The following TACC2 variants were observed in gnomAD, a reference collection of about 807,000 sequenced individuals.
The protein encoded by TACC2 is transforming acidic coiled-coil-containing protein 2.
Under a neutral mutation model 227.3 loss-of-function variants are expected in TACC2, and 137 were observed. That is an observed-to-expected ratio of 0.60 (90% CI 0.52 to 0.69). TACC2 has a LOEUF of 0.69. TACC2 is among the 30% of genes least tolerant of loss of function. The pLI is 0.00. For synonymous variants in TACC2, 1,523 were observed against 1,487.5 expected, an observed-to-expected ratio of 1.02 and a Z score of -0.55; for missense variants, 3,470 against 3,694.4, an observed-to-expected ratio of 0.94 and a Z score of 1.57.
chr10:122,022,289 T>C, intron 2 of TACC2: 1 of 352,054 alleles, frequency 2.8e-6, no homozygotes, highest in Non-Finnish European at 5.2e-6. Context: ...TCACCCAGGC[T>C]TGAATGCAGT....
intron 5 of TACC2, among the ~76,000 whole-genome samples, chr10:122,130,196 A>C (rs1225832395): frequency 1.3e-5 from 2 of 152,130 alleles, no homozygotes; most frequent in Non-Finnish European, 2.9e-5. Context: ...GGTTTTCACC[A>C]TGTTGGCCAG....
chr10:122,021,910 A>G lies in TACC2; in HGVS notation c.-45-27A>G, dbSNP rs979457811. The stretch of plus-strand genomic sequence containing the variant: ...CCTCAGATCTTTTTTCATTTCACAG[A>G]CGTTTATACCCTTTTGTTTCTTCCA... On this transcript the variant is annotated intron_variant, in intron 1 of 22. Transcript: ENST00000369005. 7.2e-6 allele frequency: 10 copies of G among 1,391,278 alleles called. No individual in the cohort carries two copies. In the South Asian group the frequency reaches 1.2e-4, roughly 16 times the overall value. The allele number at this position is 1,391,278 out of a possible 1,614,324, so 86.2% of individuals were successfully genotyped here.
chr10:122,207,464 G>A (rs1424808738), intron 8 of TACC2, among the ~76,000 whole-genome samples: 1 of 152,138 alleles, frequency 6.6e-6, no homozygotes, highest in South Asian at 2.1e-4. Flanking sequence ...AAGGGTACAT[G>A]GCAATGTCTA....
In TACC2 at chr10:122,194,935, G is replaced by C. The variant is rs2094516202; in HGVS notation, c.5835-105G>C. 2 of 1,188,726 alleles carry C rather than the reference G, an allele frequency of 1.7e-6. No individual in the cohort carries two copies. Among genetic ancestry groups the C allele is most frequent in the African/African-American group, 3.1e-5 (2 of 65,192 alleles). 73.6% of individuals were successfully genotyped at this position (1,188,726 alleles called of 1,614,324 possible). A position where few individuals can be genotyped will look rare whatever the true frequency, so the allele number is the denominator to read the frequency against. ...TCATCTGTCCCTGCACAGTTTAACT[G>C]AGCAGCGAGCCAGAACCCACTGGCT... On this transcript the variant is annotated intron_variant, in intron 7 of 22. Coordinates refer to ENST00000369005, the MANE Select transcript of TACC2 (RefSeq NM_206862.4). The surrounding 1 kb of genome is among the most constrained non-coding windows in gnomAD (Gnocchi z 4.4).
chr10:122,083,561 C>T lies in TACC2; in HGVS notation c.1061C>T (p.Ala354Val). 1 of 1,613,126 alleles carries T rather than the reference C, an allele frequency of 6.2e-7. No homozygotes were observed. Among genetic ancestry groups the T allele is most frequent in the Non-Finnish European group, 8.5e-7 (1 of 1,179,994 alleles). The stretch of plus-strand genomic sequence containing the variant: ...CTGCCCTGGGGCTTGCCAAGTCCTG[C>T]CCTGGTGCCAGAGGCTGGGGGCTCT... ...AELPWGLPSP[A>V]LVPEAGGSGK... The change falls in exon 4 of 23, where the codon GCC (alanine) becomes GTC (valine). Residue 354 changes from alanine to valine, a missense_variant. By Grantham distance (64) the Ala-to-Val change is moderately conservative (BLOSUM62 0). Transcript: ENST00000369005.
chr10:122,249,219 G>A, intron 21 of TACC2, 63 bp downstream of exon 21: 2 of 1,278,384 alleles, frequency 1.6e-6, no homozygotes, highest in South Asian at 2.5e-5. Flanking sequence ...ACCCAGGCAG[G>A]CTGGGACCTC....
intron 2 of TACC2, among the ~76,000 whole-genome samples, chr10:122,031,047 A>G (rs1388368085): frequency 6.6e-6 from 1 of 152,084 alleles, no homozygotes; most frequent in East Asian, 1.9e-4. Flanking sequence ...GATAAATCAC[A>G]CTATGTTTAA....
chr10:122,019,711 A>G, intron 1 of TACC2: 1 of 152,268 alleles, frequency 6.6e-6, no homozygotes, highest in Non-Finnish European at 1.5e-5. Flanking sequence ...CTGCCCAGGT[A>G]TGAAGTGCAG....
At chr10:122,138,259 C>G (rs1345092183) in intron 6 of TACC2, among the ~76,000 whole-genome samples, 1 of 152,108 alleles carries the variant, frequency 6.6e-6, no homozygotes, top group East Asian at 1.9e-4. Flanking sequence ...CCTGTAATCC[C>G]AGAGCTTGGA....
intron 7 of TACC2, among the ~76,000 whole-genome samples, chr10:122,182,679 C>T (rs1413842036): frequency 2.0e-5 from 3 of 152,162 alleles, no homozygotes; most frequent in African/African-American, 4.8e-5. Context: ...AGTCAAAACA[C>T]GTGAGCTTTA....
chr10:122,155,536 C>G (rs1186063359), intron 7 of TACC2, among the ~76,000 whole-genome samples: 2 of 152,152 alleles, frequency 1.3e-5, no homozygotes, highest in African/African-American at 4.8e-5. Context: ...TGTTTTTGAT[C>G]CTAGACAGAT....
In TACC2 at chr10:122,138,517, TAAAC is replaced by T. The variant is rs570546384; in HGVS notation, c.5700-5043_5700-5040del. 6.1e-3 allele frequency among the ~76,000 whole-genome samples: 931 copies of T among 152,230 alleles called. 4 individuals carry two copies. Among genetic ancestry groups the T allele is most frequent in the Admixed American group, 0.017 (261 of 15,278 alleles). ...AAGAGTGAAACTCAGTCTCAAAAAA[TAAAC>T]AAACAAACAAAGACTGAATGATAAA... On this transcript the variant is annotated intron_variant, in intron 6 of 22. Coordinates refer to ENST00000369005, the MANE Select transcript of TACC2 (RefSeq NM_206862.4).
intron 14 of TACC2, among the ~76,000 whole-genome samples, chr10:122,228,392 G>C (rs976720870): frequency 6.6e-6 from 1 of 152,234 alleles, no homozygotes; most frequent in Admixed American, 6.5e-5. Context: ...CTGGGACTTA[G>C]TGATGGGAAT....
At chr10:122,148,839 G>T (rs74158805) in intron 7 of TACC2, among the ~76,000 whole-genome samples, 2,365 of 152,346 alleles carry the variant, frequency 0.016, 65 homozygotes, top group African/African-American at 0.049. Flanking sequence ...GGGGAGAACA[G>T]ATGTGACTTT....
chr10:122,171,358 A>G (rs1200778728), intron 7 of TACC2, among the ~76,000 whole-genome samples: 1 of 147,166 alleles, frequency 6.8e-6, no homozygotes, highest in African/African-American at 2.5e-5. Context: ...GGGTGGAGGT[A>G]GGGTGGGGTG....
At chr10:122,125,792 T>G (rs1473995340) in intron 5 of TACC2, among the ~76,000 whole-genome samples, 1 of 150,708 alleles carries the variant, frequency 6.6e-6, no homozygotes, top group African/African-American at 2.4e-5. Flanking sequence ...TTTTTTTTTT[T>G]TTGAGAGGGA....
In TACC2 at chr10:122,141,836, A is replaced by G. The variant is rs2090608432; in HGVS notation, c.5700-1736A>G. Among the ~76,000 whole-genome samples the G allele has an allele frequency of 6.6e-6, 1 of 151,976 alleles. No individual in the cohort carries two copies. Among genetic ancestry groups the G allele is most frequent in the Non-Finnish European group, 1.5e-5 (1 of 68,018 alleles). On this transcript the variant is annotated intron_variant, in intron 6 of 22. Transcript: ENST00000369005. The surrounding 1 kb of genome is among the most constrained non-coding windows in gnomAD (Gnocchi z 4.3). ...GTGGGATGTGTGTGGTGGAGGGGGG[A>G]GCACAGCAGTGTAATTTCTTGAGAA... is the stretch of plus-strand genomic sequence containing the variant.
intron 11 of TACC2, among the ~76,000 whole-genome samples, chr10:122,224,153 A>T (rs1028465624): frequency 1.3e-4 from 20 of 152,176 alleles, no homozygotes; most frequent in African/African-American, 4.3e-4. Context: ...TTGAAAATAG[A>T]TTTGGACCAG....
intron 7 of TACC2, among the ~76,000 whole-genome samples, chr10:122,174,919 T>C (rs772033612): frequency 1.3e-5 from 2 of 152,220 alleles, no homozygotes; most frequent in Non-Finnish European, 2.9e-5. Flanking sequence ...TTTGGCTTTA[T>C]TTCAGATTCC....
Sources: allele counts gnomAD v4.1 joint callset (sites outside exome capture counted in the v4.1 genomes callset), GRCh38; gene constraint gnomAD v4.1.1; non-coding constraint Gnocchi (gnomAD v3.1); transcripts MANE v1.5; gene names NCBI Gene and HGNC (gene_info 2026-07-23, HGNC 2026-07-21).